The following SPRY3 variants were observed in gnomAD, a reference collection of about 807,000 sequenced individuals.
SPRY3 encodes the protein protein sprouty homolog 3.
In SPRY3, 15 loss-of-function variants were observed where a neutral mutation model predicts 20.2. The observed-to-expected ratio is 0.74, with a 90% CI of 0.50 to 1.14. The LOEUF (loss-of-function observed/expected upper bound fraction) is 1.14. SPRY3 is among the 50% of genes most tolerant of loss of function. SPRY3 has a pLI of 0.00. For synonymous variants in SPRY3, 143 were observed against 136.5 expected (o/e 1.05, Z -0.33); for missense variants, 364 against 363.9 (o/e 1.00, Z 0.00).
chrX:155,650,357 T>C (rs1306526814), intron 1 of SPRY3, among the ~76,000 whole-genome samples: 2 of 111,741 alleles, frequency 1.8e-5, no homozygotes, highest in Non-Finnish European at 3.8e-5. Flanking sequence ...TAGTTCAGTG[T>C]GTTGTTAAGT....
At chrX:155,710,227 C>T (rs995728767) in intron 2 of SPRY3, among the ~76,000 whole-genome samples, 5 of 151,658 alleles carry the variant, frequency 3.3e-5, no homozygotes, top group African/African-American at 1.2e-4. Flanking sequence ...ATACGGATTG[C>T]ATTGAATCTG....
chrX:155,634,095 G>T (rs782204169), intron 1 of SPRY3, among the ~76,000 whole-genome samples: 6 of 109,854 alleles, frequency 5.5e-5, no homozygotes, highest in South Asian at 3.9e-4. Flanking sequence ...AAAAAAATCA[G>T]AATCTATCGC....
At chrX:155,716,029 C>T (rs936041436) in intron 2 of SPRY3, among the ~76,000 whole-genome samples, 2 of 152,070 alleles carry the variant, frequency 1.3e-5, no homozygotes, top group Non-Finnish European at 2.9e-5. Flanking sequence ...AACCAGGTAC[C>T]GTGATTGCTC....
At chrX:155,721,716 C>A (rs908118459) in intron 2 of SPRY3, among the ~76,000 whole-genome samples, 1 of 151,850 alleles carries the variant, frequency 6.6e-6, no homozygotes, top group Non-Finnish European at 1.5e-5. Flanking sequence ...AAAAATTATC[C>A]TTCGAACATG....
chrX:155,750,753 G>A (rs1361395256), intron 2 of SPRY3, among the ~76,000 whole-genome samples: 4 of 151,746 alleles, frequency 2.6e-5, no homozygotes, highest in East Asian at 3.9e-4. Flanking sequence ...TAAAATAGAC[G>A]GCTGGTGGGT....
chrX:155,773,307 GATATATATATATATAT>G (rs1556238552), intron 3 of SPRY3, among the ~76,000 whole-genome samples: 19 of 120,722 alleles, frequency 1.6e-4, no homozygotes, highest in African/African-American at 5.3e-4. Flanking sequence ...ATTTTGATTG[GATATATATATATATAT>G]ATATATATAT....
At chrX:155,647,889 C>T (rs1557351989) in intron 1 of SPRY3, among the ~76,000 whole-genome samples, 1 of 111,748 alleles carries the variant, frequency 8.9e-6, no homozygotes, top group Non-Finnish European at 1.9e-5. Flanking sequence ...ACACTGTCTT[C>T]CACAATGGTC....
intron 2 of SPRY3, among the ~76,000 whole-genome samples, chrX:155,671,624 G>A (rs2068041025): frequency 9.0e-6 from 1 of 110,971 alleles, no homozygotes; most frequent in African/African-American, 3.3e-5. Context: ...AATGATCCAT[G>A]CTGTGCTCTG....
intron 2 of SPRY3, among the ~76,000 whole-genome samples, chrX:155,697,656 CTG>C (rs1181845038): frequency 9.5e-6 from 1 of 105,332 alleles, no homozygotes; most frequent in Non-Finnish European, 2.0e-5. Context: ...GTGTGTGTGT[CTG>C]TGTGTGTGTA....
At chrX:155,718,826 C>G (rs1041081639) in intron 2 of SPRY3, among the ~76,000 whole-genome samples, 3 of 151,898 alleles carry the variant, frequency 2.0e-5, no homozygotes, top group African/African-American at 7.3e-5. Flanking sequence ...AATCTGGAAA[C>G]CATATAGGAA....
chrX:155,729,703 A>T (rs1293737584), intron 2 of SPRY3, among the ~76,000 whole-genome samples: 4 of 151,908 alleles, frequency 2.6e-5, no homozygotes, highest in African/African-American at 9.7e-5. Flanking sequence ...GAAAATAAAG[A>T]TCAGAACAAA....
intron 2 of SPRY3, among the ~76,000 whole-genome samples, chrX:155,691,332 A>G (rs1187669563): frequency 1.1e-5 from 1 of 88,205 alleles, no homozygotes; most frequent in Non-Finnish European, 2.1e-5. Context: ...TACATTTACA[A>G]AATCCAGTAA....
rs192200755 is a variant in SPRY3, at chrX:155,657,390, A to T, written c.-282+365A>T. 3.1e-3 allele frequency among the ~76,000 whole-genome samples: 352 copies of T among 111,856 alleles called. 7 individuals carry two copies. Among genetic ancestry groups the T allele is most frequent in the Admixed American group, 0.023 (245 of 10,653 alleles). ...CTGTGTTGAGTTCTGCCTAGTCTGA[A>T]TTTCTAGGCCTTTTTAGTGTGGTCA... On this transcript the variant is annotated intron_variant, in intron 2 of 3. Coordinates refer to ENST00000675360, the Ensembl canonical transcript of SPRY3.
chrX:155,724,461 TG>T (rs1283586436), intron 2 of SPRY3, among the ~76,000 whole-genome samples: 1 of 152,138 alleles, frequency 6.6e-6, no homozygotes, highest in Non-Finnish European at 1.5e-5. Flanking sequence ...TTTATTTCGT[TG>T]AGCAGTGGTT....
chrX:155,763,032 C>CA (rs1412941025), intron 2 of SPRY3, among the ~76,000 whole-genome samples: 1 of 151,714 alleles, frequency 6.6e-6, no homozygotes, highest in Non-Finnish European at 1.5e-5. Context: ...TATGCAGCCA[C>CA]AAAAAAGAAC....
chrX:155,753,386 GT>G (rs1461345120), intron 2 of SPRY3, among the ~76,000 whole-genome samples: 1 of 151,768 alleles, frequency 6.6e-6, no homozygotes, highest in Non-Finnish European at 1.5e-5. Context: ...TTATTGTGAT[GT>G]TTTCAAGGTT....
chrX:155,721,020 G>A (rs1335094888), intron 2 of SPRY3, among the ~76,000 whole-genome samples: 1 of 152,206 alleles, frequency 6.6e-6, no homozygotes, highest in East Asian at 1.9e-4. Flanking sequence ...CTGTTTTGAG[G>A]ACTCTCAAAT....
At chrX:155,764,971 T>G in intron 2 of SPRY3, among the ~76,000 whole-genome samples, 1 of 152,302 alleles carries the variant, frequency 6.6e-6, no homozygotes, top group Non-Finnish European at 1.5e-5. Context: ...GGAGTCCGAC[T>G]TCCTCATAGA....
chrX:155,736,277 C>G (rs900999931), intron 2 of SPRY3, among the ~76,000 whole-genome samples: 2 of 151,924 alleles, frequency 1.3e-5, no homozygotes, highest in African/African-American at 4.8e-5. Flanking sequence ...TTTGAACACT[C>G]TTCCTTTGTA....
Sources: allele counts gnomAD v4.1 joint callset (sites outside exome capture counted in the v4.1 genomes callset), GRCh38; gene constraint gnomAD v4.1.1; transcripts MANE v1.5; gene names NCBI Gene and HGNC (gene_info 2026-07-23, HGNC 2026-07-21).